The following SRFBP1 variants were observed in gnomAD, a reference collection of about 807,000 sequenced individuals.
SRFBP1 encodes the protein serum response factor binding protein 1.
Under a neutral mutation model 45.5 loss-of-function variants are expected in SRFBP1, and 47 were observed. The ratio of observed to expected loss-of-function variants is 1.03; its 90% CI spans 0.82 to 1.32. The LOEUF (loss-of-function observed/expected upper bound fraction) is 1.32, where lower values mean the gene tolerates loss of function less well. Ranked by LOEUF, SRFBP1 falls within the 40% of genes most tolerant of loss-of-function variation. The probability of loss-of-function intolerance (pLI) is 0.00; values close to 1 mark genes in which losing one functional copy is unlikely to be tolerated. For synonymous variants in SRFBP1, 203 were observed against 166.3 expected (o/e 1.22, Z -1.70); for missense variants, 621 against 484.6 (o/e 1.28, Z -2.64).
At chr5:122,048,915 A>G (rs542794307) in intron 2 of SRFBP1, among the ~76,000 whole-genome samples, 4 of 151,910 alleles carry the variant, frequency 2.6e-5, no homozygotes, top group Non-Finnish European at 4.4e-5. Context: ...TTTTTATTGC[A>G]TCTATTTGAT....
chr5:121,988,334 C>T (rs1425758863), intron 3 of SRFBP1, among the ~76,000 whole-genome samples: 2 of 152,132 alleles, frequency 1.3e-5, no homozygotes, highest in South Asian at 2.1e-4. Context: ...GTCCCCAAGA[C>T]CACTCTTGAG....
At chr5:121,994,421 A>G (rs1282013763) in intron 3 of SRFBP1, among the ~76,000 whole-genome samples, 178 bp from the exon 4 acceptor site, 3 of 152,022 alleles carry the variant, frequency 2.0e-5, no homozygotes, top group Non-Finnish European at 4.4e-5. Context: ...ACACTAATTC[A>G]CATTCCGTTA....
intron 2 of SRFBP1, chr5:122,064,212 G>T (rs750845317): frequency 6.6e-6 from 1 of 151,794 alleles, no homozygotes; most frequent in Non-Finnish European, 1.5e-5. Flanking sequence ...TTTAGAGTTT[G>T]GTAAGACTGG....
chr5:121,982,432 C>A (rs149144156), intron 3 of SRFBP1, among the ~76,000 whole-genome samples: 1,611 of 151,930 alleles, frequency 0.011, 28 homozygotes, highest in African/African-American at 0.036. Context: ...AGGTCATATT[C>A]CTGAAATTCT....
At chr5:121,981,538 C>T (rs989005227) in intron 3 of SRFBP1, among the ~76,000 whole-genome samples, 7 of 150,878 alleles carry the variant, frequency 4.6e-5, no homozygotes, top group African/African-American at 1.7e-4. Context: ...TCTGTATCTT[C>T]CACTTACCCT....
intron 4 of SRFBP1, among the ~76,000 whole-genome samples, chr5:122,000,293 A>G (rs1053961900): frequency 3.3e-5 from 5 of 151,950 alleles, no homozygotes; most frequent in Admixed American, 6.6e-5. Flanking sequence ...AGATTTTTCT[A>G]TTTTTGCTTT....
intron 2 of SRFBP1, chr5:122,063,371 G>A (rs1754217592): frequency 6.6e-6 from 1 of 151,778 alleles, no homozygotes; most frequent in African/African-American, 2.4e-5. Context: ...GAAAAATTTG[G>A]GAGAAGCTAA....
intron 2 of SRFBP1, chr5:122,065,974 C>A (rs1460940491): frequency 6.6e-6 from 1 of 152,044 alleles, no homozygotes; most frequent in Non-Finnish European, 1.5e-5. Context: ...ATCCCACTTA[C>A]AACATCTCTG....
rs578038687 is a variant in SRFBP1 at position 122,025,297 on chromosome 5, G to T, written c.1106-1645G>T. On this transcript the variant is annotated intron_variant, in intron 7 of 7. Transcript: ENST00000339397. ...CCCTACAAAGGACATGAACTCATCA[G>T]TTTTTATGGCTGCATAGTATTCCAT... Among the ~76,000 whole-genome samples the T allele has an allele frequency of 4.5e-3, 681 of 152,162 alleles. 15 individuals are homozygous for T. The East Asian group carries it at 0.052, about 12-fold the overall frequency.
intron 2 of SRFBP1, among the ~76,000 whole-genome samples, chr5:122,061,849 A>T (rs1200525408): frequency 6.6e-6 from 1 of 151,960 alleles, no homozygotes; most frequent in Non-Finnish European, 1.5e-5. Context: ...GCAGGCAGTA[A>T]ATTAGTGAGT....
At chr5:122,059,814 G>A (rs996645930) in intron 2 of SRFBP1, among the ~76,000 whole-genome samples, 1 of 152,086 alleles carries the variant, frequency 6.6e-6, no homozygotes, top group African/African-American at 2.4e-5. Flanking sequence ...GTACCCTAAT[G>A]TGCTCCTTCC....
At chr5:122,070,784 G>A (rs911411677) in intron 2 of SRFBP1, 5 of 440,140 alleles carry the variant, frequency 1.1e-5, no homozygotes, top group Non-Finnish European at 2.0e-5. Flanking sequence ...AAAGATACAG[G>A]ACTAATATAA....
chr5:121,991,941 T>TTAAAACTATA (rs1752629326), intron 3 of SRFBP1, among the ~76,000 whole-genome samples: 1 of 152,188 alleles, frequency 6.6e-6, no homozygotes, highest in South Asian at 2.1e-4. Context: ...TATATTTTAC[T>TTAAAACTATA]TAGTTTTAAG....
chr5:122,077,934 G>T (rs759346597), downstream of SRFBP1: 5 of 1,501,020 alleles, frequency 3.3e-6, no homozygotes, highest in East Asian at 2.5e-5. This position sits in a 1 kb window ranked among gnomAD's most constrained non-coding sequence, Gnocchi z 4.9. Context: ...CAGTGCACTA[G>T]CGCGCAGAGC....
chr5:122,030,683 T>A (rs1753575591), downstream of SRFBP1, among the ~76,000 whole-genome samples: 1 of 152,110 alleles, frequency 6.6e-6, no homozygotes, highest in Non-Finnish European at 1.5e-5. Flanking sequence ...ACTAAGTAAG[T>A]TAAAATAGCG....
chr5:122,075,293 A>T, intron 2 of SRFBP1: 1 of 941,894 alleles, frequency 1.1e-6, no homozygotes, highest in African/African-American at 1.6e-5. Flanking sequence ...AAATATAAGT[A>T]ATAGCAATTT....
chr5:122,041,989 T>G (rs533148328), intron 2 of SRFBP1, among the ~76,000 whole-genome samples: 2 of 152,332 alleles, frequency 1.3e-5, no homozygotes, highest in African/African-American at 4.8e-5. Flanking sequence ...GTGTATTTTT[T>G]TTCAGTTCAA....
chr5:122,068,498 A>G (rs1009554457), intron 2 of SRFBP1, among the ~76,000 whole-genome samples: 1 of 152,082 alleles, frequency 6.6e-6, no homozygotes, highest in African/African-American at 2.4e-5. Flanking sequence ...TATATGTGTA[A>G]TTCTCTCACT....
Position 121,996,936 on chromosome 5 carries a change from A to G in SRFBP1, c.270+2266A>G, listed in dbSNP as rs1248855184. ...ACACTTGCTTCAAAGAGAATAAAAT[A>G]CCTAGGCATCCAACTTACAAGGGAT... On this transcript the variant is annotated intron_variant, in intron 4 of 7. Coordinates refer to ENST00000339397, the MANE Select transcript of SRFBP1 (RefSeq NM_152546.3). Among the ~76,000 whole-genome samples, 19 of 145,426 alleles carry G rather than the reference A, an allele frequency of 1.3e-4. 1 individual carries two copies. Among genetic ancestry groups the G allele is most frequent in the African/African-American group, 3.8e-4 (14 of 37,100 alleles).
Sources: gnomAD v4.1 joint callset for allele counts (sites outside exome capture counted in the v4.1 genomes callset) on GRCh38, gnomAD v4.1.1 for gene constraint, Gnocchi (gnomAD v3.1) non-coding constraint, MANE v1.5 for transcripts, NCBI Gene and HGNC (gene_info 2026-07-23, HGNC 2026-07-21) for gene names.